ZNF708: variants seen among roughly 807,000 people sequenced by gnomAD.
The protein encoded by ZNF708 is ZNF15, ZNF15L1.
A neutral mutation model predicts 47.0 loss-of-function variants in ZNF708; 44 were observed. The observed-to-expected ratio is 0.94, with a 90% CI of 0.74 to 1.20. The LOEUF (loss-of-function observed/expected upper bound fraction) is 1.20, where lower values mean the gene tolerates loss of function less well. ZNF708 is among the 50% of genes most tolerant of loss of function. The pLI is 0.00. For missense variants in ZNF708, 557 were observed against 656.0 expected (o/e 0.85, Z 1.65); for synonymous variants, 184 against 218.5 (o/e 0.84, Z 1.39).
In ZNF708 at chr19:21,293,661, A is replaced by G; in HGVS notation, c.1305T>C (p.Leu435=). 1 of 1,612,386 alleles carries G rather than the reference A, an allele frequency of 6.2e-7. No individual in the cohort carries two copies. The highest frequency in any genetic ancestry group is 8.5e-7 in the Non-Finnish European group (1 of 1,179,562). Residue 435 remains leucine, a synonymous_variant, in exon 4 of 4, where the codon CTT becomes CTC. Transcript: ENST00000356929. Reference sequence around the variant, plus strand: ...CAGTATGAATTACTTTATGTTTAGTAAGGATTGAGAATATACTAAAGGCTT... The same window carrying G: ...CAGTATGAATTACTTTATGTTTAGTGAGGATTGAGAATATACTAAAGGCTT... The part of the protein sequence containing the change: ...CGKAFSIFSI[L]TKHKVIHTED...
chr19:21,329,263 C>T lies in ZNF708; in HGVS notation c.-51G>A, dbSNP rs1973327486. ...GTCTTAGCTGTGGATCTCCCAATAC[C>T]TGCAGGTCACAGAGCCACAGAGTCT... On this transcript the variant is annotated 5_prime_UTR_variant, in exon 1 of 4. Coordinates refer to ENST00000356929, the MANE Select transcript of ZNF708 (RefSeq NM_021269.3). 6.2e-7 allele frequency: 1 copy of T among 1,608,000 alleles called. No individual in the cohort carries two copies. Among genetic ancestry groups the T allele is most frequent in the African/African-American group, 1.3e-5 (1 of 74,754 alleles).
intron 1 of ZNF708, among the ~76,000 whole-genome samples, chr19:21,322,542 A>G (rs1425062358): frequency 6.6e-6 from 1 of 152,070 alleles, no homozygotes; most frequent in African/African-American, 2.4e-5. Flanking sequence ...AGCTCAGGCA[A>G]TCCACCCGCC....
At chr19:21,297,270 ATTTTTTT>A (rs1157234305) in intron 3 of ZNF708, among the ~76,000 whole-genome samples, 290 of 46,442 alleles carry the variant, frequency 6.2e-3, no homozygotes, top group Non-Finnish European at 8.5e-3. Context: ...ATATATATAT[ATTTTTTT>A]TTTTTTTTTT....
chr19:21,295,660 G>A (rs567833024), intron 3 of ZNF708, among the ~76,000 whole-genome samples: 1 of 152,048 alleles, frequency 6.6e-6, no homozygotes, highest in African/African-American at 2.4e-5. Flanking sequence ...CAGGAGAATC[G>A]CTTGAACTCG....
chr19:21,294,836 G>C, intron 3 of ZNF708, 97 bp from the exon 4 acceptor site: 1 of 1,156,698 alleles, frequency 8.6e-7, no homozygotes, highest in East Asian at 2.6e-5. Context: ...AGATGACATA[G>C]CAAAATACTA....
At chr19:21,307,776 T>A (rs1972815375) in intron 3 of ZNF708, among the ~76,000 whole-genome samples, 2 of 152,160 alleles carry the variant, frequency 1.3e-5, no homozygotes. Context: ...TGAAAATATG[T>A]GGCAGAAGAA....
chr19:21,300,086 A>G (rs761565076), intron 3 of ZNF708, among the ~76,000 whole-genome samples: 2 of 151,852 alleles, frequency 1.3e-5, no homozygotes, highest in African/African-American at 2.4e-5. Flanking sequence ...AAGGCGGATC[A>G]CGAGATCAGG....
chr19:21,325,320 A>G (rs1358302764), intron 1 of ZNF708, among the ~76,000 whole-genome samples: 1 of 152,224 alleles, frequency 6.6e-6, no homozygotes, highest in Non-Finnish European at 1.5e-5. Context: ...AAACTACACT[A>G]TAAGGCCATA....
chr19:21,312,979 G>T (rs1275870491), intron 1 of ZNF708, among the ~76,000 whole-genome samples: 2 of 146,456 alleles, frequency 1.4e-5, no homozygotes, highest in Admixed American at 6.8e-5. Flanking sequence ...GTATTAAGCA[G>T]GCGCTATGTG....
chr19:21,295,506 G>A (rs902094161), intron 3 of ZNF708, among the ~76,000 whole-genome samples: 1 of 152,016 alleles, frequency 6.6e-6, no homozygotes, highest in Non-Finnish European at 1.5e-5. Context: ...AGCATTTTGG[G>A]AGGCCAAGGC....
chr19:21,326,231 A>AG (rs1973253392), intron 1 of ZNF708, among the ~76,000 whole-genome samples: 1 of 152,234 alleles, frequency 6.6e-6, no homozygotes, highest in African/African-American at 2.4e-5. Context: ...CCAGAGGAAA[A>AG]GAAGTCATTA....
intron 1 of ZNF708, among the ~76,000 whole-genome samples, chr19:21,326,015 A>G (rs1025811472): frequency 6.6e-6 from 1 of 152,244 alleles, no homozygotes; most frequent in Admixed American, 6.5e-5. Flanking sequence ...ACAATGCGAT[A>G]CCACCTTACT....
At chr19:21,309,008 C>T (rs1317366914) in intron 3 of ZNF708, among the ~76,000 whole-genome samples, 2 of 152,008 alleles carry the variant, frequency 1.3e-5, no homozygotes, top group Non-Finnish European at 2.9e-5. Flanking sequence ...CTCTTATATG[C>T]CATGAAGAGG....
chr19:21,312,684 G>A (rs1276234881), intron 1 of ZNF708, among the ~76,000 whole-genome samples: 1 of 150,774 alleles, frequency 6.6e-6, no homozygotes, highest in African/African-American at 2.4e-5. Flanking sequence ...TGCAGGTTTG[G>A]AAAGGATCCA....
In ZNF708 at chr19:21,329,288, T is replaced by G; in HGVS notation, c.-76A>C. The G allele has an allele frequency of 6.3e-7, 1 of 1,596,216 alleles. No individual in the cohort carries two copies. Among genetic ancestry groups the G allele is most frequent in the Non-Finnish European group, 8.6e-7 (1 of 1,166,592 alleles). On this transcript the variant is annotated 5_prime_UTR_variant, in exon 1 of 4. Transcript: ENST00000356929. Reference sequence around the variant, plus strand: ...CTGCAGGTCACAGAGCCACAGAGTCTGGGCCTCTAGGAGCAGAGGACAAAC... The same window carrying G: ...CTGCAGGTCACAGAGCCACAGAGTCGGGGCCTCTAGGAGCAGAGGACAAAC...
rs1599664168 is a variant in ZNF708 at position 21,293,284 on chromosome 19, T to G, written c.1682A>C (p.Lys561Thr). The G allele has an allele frequency of 1.2e-6, 2 of 1,606,224 alleles. No individual in the cohort carries two copies. Among genetic ancestry groups the G allele is most frequent in the Non-Finnish European group, 8.5e-7 (1 of 1,177,026 alleles). The part of the protein sequence containing the change: ...KRIHTKEKPY[K>T]CK The stretch of plus-strand genomic sequence containing the variant: ...AAAGGATTTGACACATTATTTACAT[T>G]TGTAGGGTTTCTCTTTGGTATGAAT... The change falls in exon 4 of 4, where the codon AAA becomes ACA. Residue 561 changes from lysine to threonine, a missense_variant. Coordinates refer to ENST00000356929, the MANE Select transcript of ZNF708 (RefSeq NM_021269.3).
intron 3 of ZNF708, among the ~76,000 whole-genome samples, chr19:21,298,020 G>A (rs1477079110): frequency 6.6e-6 from 1 of 151,662 alleles, no homozygotes; most frequent in African/African-American, 2.4e-5. Context: ...TCTCACATGA[G>A]GGTTTCAAAT....
intron 3 of ZNF708, among the ~76,000 whole-genome samples, chr19:21,297,551 G>A (rs1972565488): frequency 1.8e-5 from 2 of 108,324 alleles, no homozygotes; most frequent in African/African-American, 6.6e-5. Context: ...GAAGACAGAG[G>A]GAAAATGAGG....
At chr19:21,321,938 C>A (rs913216498) in intron 1 of ZNF708, among the ~76,000 whole-genome samples, 2 of 151,908 alleles carry the variant, frequency 1.3e-5, no homozygotes, top group Non-Finnish European at 2.9e-5. Context: ...GATGGAAGGA[C>A]TGGTTTGTGC....
Sources: allele counts gnomAD v4.1 joint callset (sites outside exome capture counted in the v4.1 genomes callset), GRCh38; gene constraint gnomAD v4.1.1; transcripts MANE v1.5; gene names NCBI Gene and HGNC (gene_info 2026-07-23, HGNC 2026-07-21).